MAN1A1: variants seen among roughly 807,000 people sequenced by gnomAD.
MAN1A1 encodes mannosyl-oligosaccharide 1,2-alpha-mannosidase IA.
Under a neutral mutation model 70.8 loss-of-function variants are expected in MAN1A1, and 29 were observed. That is an observed-to-expected ratio of 0.41 (90% CI 0.31 to 0.56). The LOEUF (loss-of-function observed/expected upper bound fraction) is 0.56, where lower values mean the gene tolerates loss of function less well. Ranked by LOEUF, MAN1A1 falls within the 20% of genes least tolerant of loss-of-function variation. MAN1A1 has a pLI of 0.29. For synonymous variants in MAN1A1, 349 were observed against 330.1 expected (o/e 1.06, Z -0.62); for missense variants, 747 against 841.3 (o/e 0.89, Z 1.39).
chr6:119,189,998 G>A, intron 9 of MAN1A1, 115 bp from the exon 10 acceptor site: 1 of 817,940 alleles, frequency 1.2e-6, no homozygotes, highest in Non-Finnish European at 1.9e-6. Flanking sequence ...AGAGTTTGGT[G>A]TTAAAAATCC....
At chr6:119,227,913 C>T (rs896652459) in intron 6 of MAN1A1, among the ~76,000 whole-genome samples, 2 of 152,068 alleles carry the variant, frequency 1.3e-5, no homozygotes, top group Non-Finnish European at 2.9e-5. Context: ...GTTTTACTCA[C>T]TAAAATTTTA....
Position 119,317,454 on chromosome 6 carries a change from A to G in MAN1A1, c.604-10462T>C, listed in dbSNP as rs57560532. On this transcript the variant is annotated intron_variant, in intron 2 of 12. Transcript: ENST00000368468. ...CATAGTTTTGTTTCATCCAAAATATAATTGGAATCACAAAATACGTAGCCT... is the reference window on the plus strand; with the variant it reads ...CATAGTTTTGTTTCATCCAAAATATGATTGGAATCACAAAATACGTAGCCT... Among the ~76,000 whole-genome samples, 894 of 152,282 alleles carry G rather than the reference A, an allele frequency of 5.9e-3. 29 individuals are homozygous for G. The East Asian group carries it at 0.09, about 15-fold the overall frequency.
intron 2 of MAN1A1, among the ~76,000 whole-genome samples, chr6:119,314,199 A>G (rs1340648975): frequency 2.0e-5 from 3 of 152,236 alleles, no homozygotes; most frequent in Admixed American, 1.3e-4. Context: ...TGGTAGCAAC[A>G]TATGTGCTAT....
chr6:119,332,570 G>A (rs1037296551), intron 2 of MAN1A1, among the ~76,000 whole-genome samples: 5 of 152,190 alleles, frequency 3.3e-5, no homozygotes, highest in East Asian at 1.9e-4. Context: ...TAATCCCAGC[G>A]CTTTGGGAGG....
chr6:119,238,605 A>G (rs1774919492), intron 6 of MAN1A1, among the ~76,000 whole-genome samples: 2 of 152,294 alleles, frequency 1.3e-5, no homozygotes, highest in Admixed American at 1.3e-4. Context: ...AGCTTTACTA[A>G]TGTCCTATTA....
At chr6:119,302,164 G>T in intron 3 of MAN1A1, 61 bp from the exon 4 acceptor site, 1 of 761,136 alleles carries the variant, frequency 1.3e-6, no homozygotes, top group South Asian at 1.6e-5. Flanking sequence ...TATGTAAATT[G>T]ACCATAACTA....
chr6:119,264,415 T>C (rs114813678), intron 5 of MAN1A1, among the ~76,000 whole-genome samples: 54 of 152,332 alleles, frequency 3.5e-4, no homozygotes, highest in African/African-American at 1.3e-3. Flanking sequence ...CAAAAATTGT[T>C]AATAATCTTT....
intron 8 of MAN1A1, among the ~76,000 whole-genome samples, chr6:119,199,778 A>G (rs1773667060): frequency 6.6e-6 from 1 of 151,680 alleles, no homozygotes; most frequent in Non-Finnish European, 1.5e-5. Flanking sequence ...TGAGCATGGC[A>G]TCGTGCACCT....
At chr6:119,349,979 G>C (rs1773864303), upstream of MAN1A1, among the ~76,000 whole-genome samples, 1 of 152,130 alleles carries the variant, frequency 6.6e-6, no homozygotes, top group African/African-American at 2.4e-5. Flanking sequence ...CGCGAGGTAG[G>C]CGGGAGCCGC....
chr6:119,259,464 T>G (rs867012663), intron 5 of MAN1A1, among the ~76,000 whole-genome samples: 1 of 152,232 alleles, frequency 6.6e-6, no homozygotes, highest in African/African-American at 2.4e-5. Context: ...TTTTAAAAAA[T>G]GTAAAATGTA....
At chr6:119,277,888 G>A (rs1776114698) in intron 5 of MAN1A1, among the ~76,000 whole-genome samples, 1 of 126,538 alleles carries the variant, frequency 7.9e-6, no homozygotes, top group Non-Finnish European at 1.6e-5. Flanking sequence ...AGTGAGCCGA[G>A]ACTGCACAAC....
chr6:119,194,131 A>G (rs1773507996), intron 8 of MAN1A1, among the ~76,000 whole-genome samples: 1 of 152,232 alleles, frequency 6.6e-6, no homozygotes, highest in Non-Finnish European at 1.5e-5. Flanking sequence ...AAGATAAAAG[A>G]TATGTAATTA....
intron 5 of MAN1A1, among the ~76,000 whole-genome samples, chr6:119,260,470 C>T (rs1054501005): frequency 6.6e-6 from 1 of 152,142 alleles, no homozygotes; most frequent in African/African-American, 2.4e-5. Context: ...TAACTATTTC[C>T]TCAGGTTAAA....
rs6931089 is a variant in MAN1A1, at chr6:119,263,993, C to T, written c.898-15639G>A. On this transcript the variant is annotated intron_variant, in intron 5 of 12. Coordinates refer to ENST00000368468, the MANE Select transcript of MAN1A1 (RefSeq NM_005907.4). ...TCTTGACCCAGTAAATTAGAACATG[C>T]TTTCCTAAAGAGTGGTGACAGCCAA... 6.1e-3 allele frequency among the ~76,000 whole-genome samples: 931 copies of T among 152,278 alleles called. 7 individuals are homozygous for T. The highest frequency in any genetic ancestry group is 0.021 in the African/African-American group (882 of 41,558).
chr6:119,212,148 G>GTT lies in MAN1A1; in HGVS notation c.993-7268_993-7267dup, dbSNP rs11395008. Among the ~76,000 whole-genome samples, 157 of 145,184 alleles carry GTT rather than the reference G, an allele frequency of 1.1e-3. 1 individual carries two copies. Among genetic ancestry groups the GTT allele is most frequent in the South Asian group, 4.2e-3 (19 of 4,508 alleles). ...AGCCACTGTGCCCGGCCAATAGTAG[G>GTT]TTTTTTTTTTTTGGTATACTTTTTA... On this transcript the variant is annotated intron_variant, in intron 6 of 12. Transcript: ENST00000368468.
chr6:119,315,837 T>C (rs1404827399), intron 2 of MAN1A1, among the ~76,000 whole-genome samples: 1 of 152,214 alleles, frequency 6.6e-6, no homozygotes, highest in African/African-American at 2.4e-5. Flanking sequence ...TTATCAAAAA[T>C]ATCTGTCTTG....
intron 11 of MAN1A1, among the ~76,000 whole-genome samples, chr6:119,185,933 A>C (rs562838356): frequency 6.6e-6 from 1 of 151,540 alleles, no homozygotes; most frequent in African/African-American, 2.4e-5. Flanking sequence ...CGAAGAGAGA[A>C]GAGAGGTTCA....
Position 119,305,012 on chromosome 6 carries a change from A to G in MAN1A1, c.700+1884T>C, listed in dbSNP as rs140927083. Reference sequence around the variant, plus strand: ...CAAGTTCCATTGTATTGGTATTTCTATAATAAGAAAATCATTATGTATCTT... The same window carrying G: ...CAAGTTCCATTGTATTGGTATTTCTGTAATAAGAAAATCATTATGTATCTT... On this transcript the variant is annotated intron_variant, in intron 3 of 12. Transcript: ENST00000368468. Among the ~76,000 whole-genome samples, 6 of 152,306 alleles carry G rather than the reference A, an allele frequency of 3.9e-5. No homozygotes were observed. In the East Asian group the frequency reaches 1.2e-3, roughly 29 times the overall value.
chr6:119,216,678 A>AT (rs1302927528), intron 6 of MAN1A1, among the ~76,000 whole-genome samples: 2 of 152,182 alleles, frequency 1.3e-5, no homozygotes, highest in Non-Finnish European at 2.9e-5. Flanking sequence ...TTTGAGGAAC[A>AT]TTTTTTCTGC....
Sources: gnomAD v4.1 joint callset for allele counts (sites outside exome capture counted in the v4.1 genomes callset) on GRCh38, gnomAD v4.1.1 for gene constraint, MANE v1.5 for transcripts, NCBI Gene and HGNC (gene_info 2026-07-23, HGNC 2026-07-21) for gene names.